Variants in SLC5A1 observed in about 807,000 individuals in gnomAD.
SLC5A1 encodes the protein sodium/glucose cotransporter 1.
In SLC5A1, 42 loss-of-function variants were observed where a neutral mutation model predicts 73.5. That is an observed-to-expected ratio of 0.57 (90% confidence interval 0.45 to 0.74). SLC5A1 has a LOEUF of 0.74. Ranked by LOEUF, SLC5A1 falls within the 30% of genes least tolerant of loss-of-function variation. The probability of loss-of-function intolerance (pLI) is 0.00; values close to 1 mark genes in which losing one functional copy is unlikely to be tolerated. For synonymous variants in SLC5A1, 300 were observed against 317.4 expected (o/e 0.95, Z 0.58); for missense variants, 634 against 855.4 (o/e 0.74, Z 3.23).
rs185428619 is a variant in SLC5A1, at chr22:32,074,091, C to T, written c.477+5491C>T. On this transcript the variant is annotated intron_variant, in intron 5 of 14. Transcript: ENST00000266088. ...GAGGGTGGTACCTGTCTACTGTGCA[C>T]GTAGAGAAGGGTGCTGGGCCTCCCC... 3.4e-3 allele frequency among the ~76,000 whole-genome samples: 516 copies of T among 152,194 alleles called. 3 individuals are homozygous for T. Among genetic ancestry groups the T allele is most frequent in the African/African-American group, 8.7e-3 (361 of 41,502 alleles).
intron 11 of SLC5A1, among the ~76,000 whole-genome samples, chr22:32,097,815 A>G (rs1256689859): frequency 3.9e-5 from 6 of 152,242 alleles, no homozygotes; most frequent in African/African-American, 1.4e-4. Flanking sequence ...TTGTTTATCA[A>G]AGACACCATT....
intron 12 of SLC5A1, among the ~76,000 whole-genome samples, chr22:32,101,571 C>T (rs1240246208): frequency 6.6e-6 from 1 of 152,070 alleles, no homozygotes; most frequent in African/African-American, 2.4e-5. Context: ...ATTTCTTTTC[C>T]CATGTCTTTG....
rs1288245008 is a variant in SLC5A1 at position 32,102,112 on chromosome 22, C to T, written c.1540C>T (p.Pro514Ser). 6.2e-7 allele frequency: 1 copy of T among 1,613,930 alleles called. No individual in the cohort carries two copies. The highest frequency in any genetic ancestry group is 1.1e-5 in the South Asian group (1 of 91,076). ...TTATGGAACCGGGAGCTGCATGGAG[C>T]CCAGCAACTGTCCCACGATTATCTG... is the stretch of plus-strand genomic sequence containing the variant. ...FAYGTGSCME[P>S]SNCPTIICGV... Residue 514 changes from proline (P) to serine (S), a missense_variant, in exon 13 of 15, where the codon CCC becomes TCC. By Grantham distance (74) the Pro-to-Ser change is moderately conservative. Around this residue, in one of 3 missense-constraint regions of SLC5A1, gnomAD observed 422 missense variants for 626.1 expected, o/e 0.67. Coordinates refer to ENST00000266088, the MANE Select transcript of SLC5A1 (RefSeq NM_000343.4).
intron 10 of SLC5A1, among the ~76,000 whole-genome samples, chr22:32,090,385 A>G (rs1177069053): frequency 1.3e-5 from 2 of 152,202 alleles, no homozygotes; most frequent in East Asian, 1.9e-4. Flanking sequence ...TATTTCATAT[A>G]AATAGAATCA....
At chr22:32,055,602 G>T in intron 2 of SLC5A1, among the ~76,000 whole-genome samples, 1 of 152,136 alleles carries the variant, frequency 6.6e-6, no homozygotes, top group East Asian at 1.9e-4. Context: ...ATTCAGAAGG[G>T]AATGTCCTGG....
intron 10 of SLC5A1, among the ~76,000 whole-genome samples, chr22:32,088,621 G>A (rs1038537090): frequency 6.6e-6 from 1 of 152,118 alleles, no homozygotes; most frequent in Non-Finnish European, 1.5e-5. Context: ...TTACAGGTGT[G>A]AGTCACCATG....
intron 2 of SLC5A1, chr22:32,059,368 C>G: frequency 3.1e-6 from 3 of 983,320 alleles, no homozygotes; most frequent in Non-Finnish European, 2.4e-6. Context: ...GGATGGAGAT[C>G]GGCTCTGGAT....
At chr22:32,091,880 T>C (rs2149494316) in intron 11 of SLC5A1, 118 bp downstream of exon 11, 3 of 959,252 alleles carry the variant, frequency 3.1e-6, no homozygotes, top group Non-Finnish European at 5.0e-6. Context: ...ATAATTTCTG[T>C]GGCTGGTTAT....
At chr22:32,051,404 C>T (rs146841428) in intron 2 of SLC5A1, among the ~76,000 whole-genome samples, 247 of 152,276 alleles carry the variant, frequency 1.6e-3, no homozygotes, top group African/African-American at 5.6e-3. Context: ...ACCTGTAATC[C>T]AGGCATTTTG....
At chr22:32,068,237 G>A (rs1400770021) in intron 4 of SLC5A1, among the ~76,000 whole-genome samples, 1 of 152,162 alleles carries the variant, frequency 6.6e-6, no homozygotes, top group African/African-American at 2.4e-5. Context: ...TGGCTCCTTA[G>A]TGATGCCCAG....
chr22:32,059,210 G>A (rs983867572), intron 2 of SLC5A1: 16 of 985,164 alleles, frequency 1.6e-5, no homozygotes, highest in South Asian at 4.7e-5. Context: ...CTGCCTGGGC[G>A]ACAGAAAAAG....
chr22:32,055,099 T>C (rs550163144), intron 2 of SLC5A1, among the ~76,000 whole-genome samples: 1 of 152,304 alleles, frequency 6.6e-6, no homozygotes, highest in East Asian at 1.9e-4. Context: ...TAAACGCCAG[T>C]GGAAGACCTC....
At chr22:32,068,111 G>A in intron 4 of SLC5A1, 85 bp downstream of exon 4, 1 of 1,321,784 alleles carries the variant, frequency 7.6e-7, no homozygotes. Context: ...GAGACATTAT[G>A]GGATAAATGG....
At chr22:32,056,860 C>A (rs2093952694) in intron 2 of SLC5A1, among the ~76,000 whole-genome samples, 1 of 152,142 alleles carries the variant, frequency 6.6e-6, no homozygotes, top group Non-Finnish European at 1.5e-5. Flanking sequence ...CTGTTTCTTT[C>A]AGGAAATTCA....
intron 11 of SLC5A1, among the ~76,000 whole-genome samples, chr22:32,098,742 G>A (rs551140628): frequency 6.6e-5 from 10 of 152,086 alleles, no homozygotes; most frequent in African/African-American, 4.8e-5. Context: ...TAGTGGTGGT[G>A]GTGGTAGTGT....
intron 13 of SLC5A1, among the ~76,000 whole-genome samples, chr22:32,102,760 T>C (rs1196352414): frequency 6.6e-6 from 1 of 152,202 alleles, no homozygotes; most frequent in Non-Finnish European, 1.5e-5. Flanking sequence ...ATCAATCTAC[T>C]CTCTATCTCC....
At chr22:32,061,005 A>G (rs944753720) in intron 2 of SLC5A1, among the ~76,000 whole-genome samples, 1 of 152,210 alleles carries the variant, frequency 6.6e-6, no homozygotes, top group African/African-American at 2.4e-5. Context: ...GTTGGGCATA[A>G]GAATCACCCG....
chr22:32,054,663 GTATA>G (rs1397156392), intron 2 of SLC5A1, among the ~76,000 whole-genome samples: 3 of 150,538 alleles, frequency 2.0e-5, no homozygotes, highest in Non-Finnish European at 4.5e-5. Context: ...GGTACAGATG[GTATA>G]TTTATTTATT....
intron 1 of SLC5A1, among the ~76,000 whole-genome samples, chr22:32,045,931 T>A (rs1026546096): frequency 7.2e-5 from 11 of 152,158 alleles, no homozygotes; most frequent in Non-Finnish European, 1.2e-4. Context: ...TTTTTACACT[T>A]CTCAAGGGTT....
Sources: allele counts gnomAD v4.1 joint callset (sites outside exome capture counted in the v4.1 genomes callset), GRCh38; gene constraint gnomAD v4.1.1; regional missense constraint gnomAD v4.1.1; transcripts MANE v1.5; gene names NCBI Gene and HGNC (gene_info 2026-07-23, HGNC 2026-07-21).